GULP1: variants seen among roughly 807,000 people sequenced by gnomAD.
GULP1 encodes the protein PTB domain-containing engulfment adapter protein 1.
In GULP1, 19 loss-of-function variants were observed where a neutral mutation model predicts 40.9. The ratio of observed to expected loss-of-function variants is 0.46; its 90% confidence interval spans 0.32 to 0.68. The LOEUF (loss-of-function observed/expected upper bound fraction) is 0.68, where lower values mean the gene tolerates loss of function less well. GULP1 is among the 30% of genes least tolerant of loss of function. The probability of loss-of-function intolerance (pLI) is 0.03; values close to 1 mark genes in which losing one functional copy is unlikely to be tolerated. For missense variants in GULP1, 312 were observed against 362.2 expected (o/e 0.86, Z 1.12); for synonymous variants, 119 against 117.6 (o/e 1.01, Z -0.08).
intron 2 of GULP1, among the ~76,000 whole-genome samples, chr2:188,403,850 C>G (rs1391903269): frequency 6.6e-6 from 1 of 152,108 alleles, no homozygotes; most frequent in Admixed American, 6.5e-5. Context: ...CTGAAAATCT[C>G]CTGTTTATCT....
chr2:188,501,222 G>A (rs2063403711), intron 4 of GULP1, among the ~76,000 whole-genome samples: 1 of 151,800 alleles, frequency 6.6e-6, no homozygotes, highest in Non-Finnish European at 1.5e-5. Context: ...GGATCATGGG[G>A]GCAGTTTCCC....
intron 2 of GULP1, among the ~76,000 whole-genome samples, chr2:188,465,953 AGGT>A (rs1037443704): frequency 6.6e-6 from 1 of 150,596 alleles, no homozygotes; most frequent in Non-Finnish European, 1.5e-5. Context: ...GCTCTTATGA[AGGT>A]GTGTGTGTGT....
chr2:188,573,306 C>T (rs970514085), intron 9 of GULP1, among the ~76,000 whole-genome samples: 1 of 152,218 alleles, frequency 6.6e-6, no homozygotes, highest in Non-Finnish European at 1.5e-5. Context: ...TTCAAATGAG[C>T]TCCCAAATTC....
intron 1 of GULP1, among the ~76,000 whole-genome samples, chr2:188,351,399 C>A (rs926132253): frequency 1.3e-5 from 2 of 152,046 alleles, no homozygotes; most frequent in East Asian, 1.9e-4. Context: ...TGACTTCAAA[C>A]CCTGTGTTTA....
intron 1 of GULP1, among the ~76,000 whole-genome samples, chr2:188,375,852 G>A (rs1283427915): frequency 6.6e-6 from 1 of 151,932 alleles, no homozygotes; most frequent in Non-Finnish European, 1.5e-5. Context: ...ATCCATATTC[G>A]CAGGGTTTTA....
At chr2:188,461,855 T>C (rs1338227116) in intron 2 of GULP1, among the ~76,000 whole-genome samples, 2 of 152,138 alleles carry the variant, frequency 1.3e-5, no homozygotes, top group Non-Finnish European at 2.9e-5. Context: ...TGAAGGTTTG[T>C]CAATTTTATT....
intron 9 of GULP1, among the ~76,000 whole-genome samples, chr2:188,579,424 A>C (rs1209516793): frequency 6.6e-6 from 1 of 152,074 alleles, no homozygotes. Context: ...TATTAGTTGT[A>C]CATGTTTGTG....
intron 1 of GULP1, among the ~76,000 whole-genome samples, chr2:188,346,009 C>T (rs1167898895): frequency 6.6e-6 from 1 of 152,164 alleles, no homozygotes; most frequent in Non-Finnish European, 1.5e-5. Context: ...AGGGATCATT[C>T]CTGCTTTGAG....
At chr2:188,330,541 C>T (rs1334143573) in intron 1 of GULP1, among the ~76,000 whole-genome samples, 7 of 152,142 alleles carry the variant, frequency 4.6e-5, no homozygotes, top group Admixed American at 4.6e-4. Flanking sequence ...ATTTTAAGCC[C>T]TTTGTTTACA....
chr2:188,468,834 G>C (rs995548293), intron 2 of GULP1, among the ~76,000 whole-genome samples: 1 of 151,336 alleles, frequency 6.6e-6, no homozygotes, highest in African/African-American at 2.4e-5. Context: ...ACGAGGGGAG[G>C]GGGGCAATTG....
intron 2 of GULP1, among the ~76,000 whole-genome samples, chr2:188,451,384 A>G (rs1226035221): frequency 1.3e-5 from 2 of 152,240 alleles, no homozygotes; most frequent in Admixed American, 6.5e-5. Context: ...AAAGTAAAGC[A>G]TTGGAAACAT....
chr2:188,416,327 A>C (rs2054575252), intron 2 of GULP1, among the ~76,000 whole-genome samples: 1 of 152,102 alleles, frequency 6.6e-6, no homozygotes, highest in Non-Finnish European at 1.5e-5. Flanking sequence ...GATTATGGTG[A>C]TAGTTACACG....
intron 5 of GULP1, among the ~76,000 whole-genome samples, chr2:188,526,771 A>G (rs1686264225): frequency 6.6e-6 from 1 of 152,222 alleles, no homozygotes; most frequent in Non-Finnish European, 1.5e-5. Flanking sequence ...CTAAATGCAG[A>G]AAATATATTG....
At chr2:188,438,965 G>A (rs2057683103) in intron 2 of GULP1, among the ~76,000 whole-genome samples, 1 of 151,804 alleles carries the variant, frequency 6.6e-6, no homozygotes, top group East Asian at 1.9e-4. Flanking sequence ...AAAAGTTTTG[G>A]AACCAATCCT....
intron 1 of GULP1, among the ~76,000 whole-genome samples, chr2:188,310,349 G>A (rs2037875254): frequency 6.6e-6 from 1 of 152,154 alleles, no homozygotes; most frequent in Non-Finnish European, 1.5e-5. Flanking sequence ...GAAGATGAAG[G>A]CCTGAATTTA....
intron 7 of GULP1, among the ~76,000 whole-genome samples, chr2:188,568,142 T>C (rs1220959901): frequency 6.6e-6 from 1 of 152,140 alleles, no homozygotes; most frequent in Non-Finnish European, 1.5e-5. Flanking sequence ...AATAATGAAC[T>C]ATAAAAATTC....
intron 2 of GULP1, among the ~76,000 whole-genome samples, chr2:188,473,986 G>T (rs556134551): frequency 6.6e-6 from 1 of 152,290 alleles, no homozygotes; most frequent in South Asian, 2.1e-4. Context: ...TCTTCAGTTA[G>T]TAGGTAATGA....
intron 7 of GULP1, among the ~76,000 whole-genome samples, chr2:188,564,668 C>T (rs1697210043): frequency 6.6e-6 from 1 of 151,790 alleles, no homozygotes; most frequent in Admixed American, 6.6e-5. Flanking sequence ...GGATTCAATA[C>T]AATTCTGATT....
At chr2:188,408,583 T>A (rs889689992) in intron 2 of GULP1, among the ~76,000 whole-genome samples, 1 of 152,162 alleles carries the variant, frequency 6.6e-6, no homozygotes, top group Non-Finnish European at 1.5e-5. Context: ...GGGACTTTGA[T>A]ACCCCACTTT....
Sources: gnomAD v4.1 joint callset for allele counts (sites outside exome capture counted in the v4.1 genomes callset) on GRCh38, gnomAD v4.1.1 for gene constraint, MANE v1.5 for transcripts, NCBI Gene and HGNC (gene_info 2026-07-23, HGNC 2026-07-21) for gene names.